Variants in SEC16A observed in about 807,000 individuals in gnomAD.
The protein encoded by SEC16A is protein transport protein Sec16A.
Under a neutral mutation model 221.9 loss-of-function variants are expected in SEC16A, and 110 were observed. The ratio of observed to expected loss-of-function variants is 0.50; its 90% CI spans 0.42 to 0.58. SEC16A has a LOEUF of 0.58. Among genes scored for constraint, SEC16A ranks in the 20% least tolerant of loss-of-function variants. The pLI, the probability that SEC16A is intolerant of heterozygous loss-of-function variation, is 0.00. For missense variants in SEC16A, 3,165 were observed against 3,097.8 expected, an observed-to-expected ratio of 1.02 and a Z score of -0.52; for synonymous variants, 1,393 against 1,257.7, an observed-to-expected ratio of 1.11 and a Z score of -2.28.
chr9:136,443,738 G>T, intron 31 of SEC16A, 85 bp downstream of exon 31: 1 of 875,100 alleles, frequency 1.1e-6, no homozygotes, highest in Non-Finnish European at 1.9e-6. Context: ...AGGATCTAGG[G>T]CAGAAAGCTG....
chr9:136,446,838 C>G lies in SEC16A; in HGVS notation c.6792+17G>C. 6.3e-7 allele frequency: 1 copy of G among 1,582,372 alleles called. No individual in the cohort carries two copies. The highest frequency in any genetic ancestry group is 1.4e-5 in the African/African-American group (1 of 73,484). ...CCTCACTGGGTACCTTTCCCCTTTC[C>G]CACCGTACCCGCTCACCTTGGGCTC... is the stretch of plus-strand genomic sequence containing the variant. On this transcript the variant is annotated intron_variant, in intron 28 of 31. Transcript: ENST00000684901.
At position 136,441,537 on chromosome 9, in the gene SEC16A, G is replaced by A; in HGVS notation, c.*218C>T. ...TTTCGGCAAACAATTCTGAGTCAAA[G>A]ATTCAGTCTTTCCATCCAGAATCTG... On this transcript the variant is annotated 3_prime_UTR_variant, in exon 32 of 32. Transcript: ENST00000684901. The A allele has an allele frequency of 1.7e-6, 1 of 574,768 alleles. No homozygotes were observed. Among genetic ancestry groups the A allele is most frequent in the Non-Finnish European group, 3.1e-6 (1 of 319,102 alleles). The allele number at this position is 574,768 out of a possible 1,614,324, so 35.6% of individuals were successfully genotyped here.
Position 136,461,237 on chromosome 9 carries a change from C to T in SEC16A, c.4931G>A (p.Gly1644Asp). 6.2e-7 allele frequency: 1 copy of T among 1,609,038 alleles called. No homozygotes were observed. The highest frequency in any genetic ancestry group is 1.1e-5 in the South Asian group (1 of 89,720). ...CTTACTTGCAAGTAGCAGAGCGTGA[C>T]CCCACAGGCCATTCTTCATTGCAGA... ...LESAMKNGLW[G>D]HALLLASKMD... is the part of the protein sequence containing the mutation. Residue 1644 changes from glycine (G) to aspartate (D), a missense_variant, in exon 13 of 32, where the codon GGT becomes GAT. Gly to Asp is a moderately conservative substitution (Grantham distance 94). This residue lies in a region of SEC16A where 1,088 missense variants were observed against 1,089.6 expected (regional missense o/e 1.00). Coordinates refer to ENST00000684901, the MANE Select transcript of SEC16A (RefSeq NM_014866.2).
Position 136,475,195 on chromosome 9 carries a change from C to G in SEC16A, c.2421G>C (p.Ala807=), listed in dbSNP as rs776247459. The change falls in exon 3 of 32, where the codon GCG becomes GCC. Residue 807 remains alanine (A), a synonymous_variant. Coordinates refer to ENST00000684901, the MANE Select transcript of SEC16A (RefSeq NM_014866.2). This position sits in a 1 kb window ranked among gnomAD's most constrained non-coding sequence, Gnocchi z 5.0. ...MGEEEALQSQ[A]SSGYASLLSS... Reference sequence around the variant, plus strand: ...ATAATAAACTTGCATAACCAGAACTCGCCTGGGACTGAAGGGCCTCCTCCT... The same window carrying G: ...ATAATAAACTTGCATAACCAGAACTGGCCTGGGACTGAAGGGCCTCCTCCT... 6.2e-7 allele frequency: 1 copy of G among 1,613,770 alleles called. No individual in the cohort carries two copies. Among genetic ancestry groups the G allele is most frequent in the African/African-American group, 1.3e-5 (1 of 75,040 alleles).
At chr9:136,461,088 G>A (rs561556059) in intron 13 of SEC16A, 89 bp downstream of exon 13, 41 of 988,514 alleles carry the variant, frequency 4.1e-5, no homozygotes, top group Non-Finnish European at 5.7e-5. Flanking sequence ...AGTGAGATCC[G>A]CCTGCCGCCT....
At chr9:136,481,990 C>CA (rs1554823948) in intron 1 of SEC16A, among the ~76,000 whole-genome samples, 1 of 151,474 alleles carries the variant, frequency 6.6e-6, no homozygotes, top group Non-Finnish European at 1.5e-5. Context: ...CAAAAAAAGA[C>CA]AAAGAAAAAG....
rs1448262805 is a variant in SEC16A at position 136,466,959 on chromosome 9, G to A, written c.3927C>T (p.Asp1309=). 1 of 1,612,238 alleles carries A rather than the reference G, an allele frequency of 6.2e-7. No individual in the cohort carries two copies. The highest frequency in any genetic ancestry group is 8.5e-7 in the Non-Finnish European group (1 of 1,179,378). The part of the protein sequence containing the change: ...AYRREHSAFG[D]RPEKRDNNWR... ...CTCCCCAGGGGTGCTCCACCAACCT[G>A]TCCCCGAAGGCAGAGTGCTCTCTCC... The change falls in exon 6 of 32, where the codon GAC becomes GAT. Residue 1309 remains aspartate (D), a splice_region_variant and synonymous_variant. Transcript: ENST00000684901. This position sits in a 1 kb window ranked among gnomAD's most constrained non-coding sequence, Gnocchi z 5.5.
rs754758728 is a variant in SEC16A, at chr9:136,474,117, C to G, written c.3499G>C (p.Asp1167His). The G allele has an allele frequency of 1.2e-6, 2 of 1,613,178 alleles. No homozygotes were observed. Among genetic ancestry groups the G allele is most frequent in the Non-Finnish European group, 8.5e-7 (1 of 1,179,842 alleles). Residue 1167 changes from aspartate to histidine, a missense_variant, in exon 3 of 32, where the codon GAT becomes CAT. This residue lies in a region of SEC16A where 2,030 missense variants were observed against 1,923.1 expected (regional missense o/e 1.06). Transcript: ENST00000684901. ...AAAGAGTACTGAGGCTGGTAGGCAT[C>G]GTACAAAGGCCGGTAGTAGTAGTAG... The part of the protein sequence containing the change: ...AAYYYYRPLY[D>H]AYQPQYSLPY...
upstream of SEC16A, chr9:136,483,512 C>T: frequency 2.0e-6 from 2 of 981,316 alleles, no homozygotes; most frequent in Non-Finnish European, 2.4e-6. Flanking sequence ...CGCCTCACCG[C>T]TTGGCCCCGC....
upstream of SEC16A, chr9:136,483,715 G>A (rs1407479890): frequency 6.1e-6 from 6 of 985,382 alleles, no homozygotes; most frequent in Non-Finnish European, 7.2e-6. Context: ...CGGCTACTCC[G>A]CCCAGCTGAG....
intron 1 of SEC16A, among the ~76,000 whole-genome samples, chr9:136,479,064 GCA>G (rs1459806555): frequency 6.6e-6 from 1 of 151,884 alleles, no homozygotes; most frequent in Non-Finnish European, 1.5e-5. Context: ...GCTTTACAAG[GCA>G]CAGACTGGAT....
intron 12 of SEC16A, 77 bp from the exon 13 acceptor site, chr9:136,461,351 C>A: frequency 9.7e-7 from 1 of 1,030,880 alleles, no homozygotes; most frequent in South Asian, 1.4e-5. Context: ...GGCCATGTGT[C>A]CTCACGCAGC....
chr9:136,476,596 T>C lies in SEC16A; in HGVS notation c.1020A>G (p.Gly340=). 2 of 1,600,844 alleles carry C rather than the reference T, an allele frequency of 1.2e-6. No homozygotes were observed. The highest frequency in any genetic ancestry group is 1.7e-4 in the Middle Eastern group (1 of 5,988). Residue 340 remains glycine, a synonymous_variant, in exon 3 of 32, where the codon GGA becomes GGG. Coordinates refer to ENST00000684901, the MANE Select transcript of SEC16A (RefSeq NM_014866.2). ...ASALVNPLAR[G]DSPENRTHHP... ...GGTGCGTACGGTTTTCTGGGCTATC[T>C]CCCCGGGCGAGGGGGTTCACAAGAG...
At position 136,476,858 on chromosome 9, in the gene SEC16A, G is replaced by A. The variant is rs777294928; in HGVS notation, c.758C>T (p.Pro253Leu). 1.4e-5 allele frequency: 23 copies of A among 1,612,270 alleles called. No homozygotes were observed. Among genetic ancestry groups the A allele is most frequent in the South Asian group, 2.2e-5 (2 of 91,046 alleles). Reference sequence around the variant, plus strand: ...ACCAGGGCCCTGATGTAGGATGGACGGGGTGGGGAAATGAGGAACGCTGGT... The same window carrying A: ...ACCAGGGCCCTGATGTAGGATGGACAGGGTGGGGAAATGAGGAACGCTGGT... ...CATSVPHFPTPSILHQGPGHE... is the reference protein window; with the variant it reads ...CATSVPHFPTLSILHQGPGHE... The change falls in exon 3 of 32, where the codon CCG becomes CTG. Residue 253 changes from proline (P) to leucine (L), a missense_variant. Pro to Leu is a moderately conservative substitution (Grantham distance 98). Around this residue, in one of 3 missense-constraint regions of SEC16A, gnomAD observed 2,030 missense variants for 1,923.1 expected, o/e 1.06. Transcript: ENST00000684901.
rs925488738 is a variant in SEC16A, at chr9:136,482,930, C to T, written c.-192+8G>A. On this transcript the variant is annotated splice_region_variant and intron_variant, in intron 1 of 31. Transcript: ENST00000684901. Reference sequence around the variant, plus strand: ...CGCTCGCCCCCTCACCCGCGCTCGCCCCCTCACCCGCGCGGCTGAGACCGA... The same window carrying T: ...CGCTCGCCCCCTCACCCGCGCTCGCTCCCTCACCCGCGCGGCTGAGACCGA... 1 of 973,436 alleles carries T rather than the reference C, an allele frequency of 1.0e-6. No individual in the cohort carries two copies. The highest frequency in any genetic ancestry group is 1.2e-6 in the Non-Finnish European group (1 of 819,708). The allele number at this position is 973,436 out of a possible 1,614,324, so 60.3% of individuals were successfully genotyped here.
chr9:136,469,175 A>C (rs1317049024), intron 4 of SEC16A, among the ~76,000 whole-genome samples: 1 of 152,056 alleles, frequency 6.6e-6, no homozygotes, highest in Non-Finnish European at 1.5e-5. Flanking sequence ...AACCAACCTA[A>C]AATGCCAGTT....
In SEC16A at chr9:136,466,845, T is replaced by C; in HGVS notation, c.3929+112A>G. 1 of 1,318,684 alleles carries C rather than the reference T, an allele frequency of 7.6e-7. No homozygotes were observed. The highest frequency in any genetic ancestry group is 2.5e-5 in the East Asian group (1 of 39,662). 81.7% of individuals were successfully genotyped at this position (1,318,684 alleles called of 1,614,324 possible). Reference sequence around the variant, plus strand: ...GACAGGGACCAAAACATCAGGCAGATGCTCACCCAAACTACCACAGCTCTT... The same window carrying C: ...GACAGGGACCAAAACATCAGGCAGACGCTCACCCAAACTACCACAGCTCTT... On this transcript the variant is annotated intron_variant, in intron 6 of 31. Coordinates refer to ENST00000684901, the MANE Select transcript of SEC16A (RefSeq NM_014866.2). The surrounding 1 kb of genome is among the most constrained non-coding windows in gnomAD (Gnocchi z 5.5).
rs1839676016 is a variant in SEC16A, at chr9:136,462,835, C to T, written c.4893+52G>A. 6 of 1,576,110 alleles carry T rather than the reference C, an allele frequency of 3.8e-6. No individual in the cohort carries two copies. The African/African-American group carries it at 4.0e-5, about 11-fold the overall frequency. On this transcript the variant is annotated intron_variant, in intron 12 of 31. Transcript: ENST00000684901. ...CTGAAGGCTGCAACCCCGCACCAGG[C>T]CCGACCCAGTGGACATGTGCAGGCG...
At chr9:136,460,312 G>A (rs1588938750) in intron 13 of SEC16A, among the ~76,000 whole-genome samples, 189 bp from the exon 14 acceptor site, 1 of 152,126 alleles carries the variant, frequency 6.6e-6, no homozygotes, top group Non-Finnish European at 1.5e-5. Flanking sequence ...AAAATTAGCC[G>A]GGTGTGGTGG....
Sources: allele counts gnomAD v4.1 joint callset (sites outside exome capture counted in the v4.1 genomes callset), GRCh38; gene constraint gnomAD v4.1.1; regional missense constraint gnomAD v4.1.1; non-coding constraint Gnocchi (gnomAD v3.1); transcripts MANE v1.5; gene names NCBI Gene and HGNC (gene_info 2026-07-23, HGNC 2026-07-21).